The following INVS variants were observed in gnomAD, a reference collection of about 807,000 sequenced individuals.
The protein encoded by INVS is inversion of embryo turning homolog.
INVS carries 86 observed loss-of-function variants against 108.8 expected under a neutral mutation model. The ratio of observed to expected loss-of-function variants is 0.79; its 90% CI spans 0.66 to 0.95. The LOEUF is 0.95. INVS is among the 40% of genes least tolerant of loss of function. The pLI is 0.00. For synonymous variants in INVS, 455 were observed against 473.5 expected, an observed-to-expected ratio of 0.96 and a Z score of 0.51; for missense variants, 1,169 against 1,297.4, an observed-to-expected ratio of 0.90 and a Z score of 1.52.
chr9:100,274,705 A>G (rs1188217425), intron 12 of INVS, among the ~76,000 whole-genome samples: 1 of 152,138 alleles, frequency 6.6e-6, no homozygotes, highest in Admixed American at 6.5e-5. Context: ...AGGTTTTGCC[A>G]TGTTGGCCAG....
intron 4 of INVS, among the ~76,000 whole-genome samples, chr9:100,227,446 G>C (rs1176116576): frequency 6.6e-6 from 1 of 152,096 alleles, no homozygotes; most frequent in Non-Finnish European, 1.5e-5. Flanking sequence ...TATTTAAACA[G>C]TTCTTACATT....
At chr9:100,207,639 G>C (rs1229659795) in intron 3 of INVS, among the ~76,000 whole-genome samples, 1 of 152,096 alleles carries the variant, frequency 6.6e-6, no homozygotes, top group Non-Finnish European at 1.5e-5. Context: ...TATACAGTTA[G>C]ATGTATACTT....
At chr9:100,279,528 C>T (rs1833215180) in intron 12 of INVS, among the ~76,000 whole-genome samples, 2 of 152,218 alleles carry the variant, frequency 1.3e-5, no homozygotes, top group East Asian at 1.9e-4. Context: ...AATTCAATAA[C>T]GCTCTTCCTA....
Position 100,144,455 on chromosome 9 carries a change from G to A in INVS, c.273+17906G>A, listed in dbSNP as rs569751546. On this transcript the variant is annotated intron_variant, in intron 3 of 16. Coordinates refer to ENST00000262457, the MANE Select transcript of INVS (RefSeq NM_014425.5). ...CTTTTAGGGTCTAGGGCTGTAAAGCGTCTCAGGGTTGCTGCCAAACGAGCC... is the reference window on the plus strand; with the variant it reads ...CTTTTAGGGTCTAGGGCTGTAAAGCATCTCAGGGTTGCTGCCAAACGAGCC... Among the ~76,000 whole-genome samples the A allele has an allele frequency of 1.1e-4, 17 of 152,216 alleles. No homozygotes were observed. The South Asian group carries it at 2.3e-3, about 20-fold the overall frequency.
intron 3 of INVS, among the ~76,000 whole-genome samples, chr9:100,161,917 T>G (rs1279782867): frequency 1.3e-5 from 2 of 152,090 alleles, no homozygotes; most frequent in Non-Finnish European, 2.9e-5. Context: ...AAGATAATTA[T>G]CAATCCCATT....
chr9:100,252,838 T>C, intron 9 of INVS, 69 bp from the exon 10 acceptor site: 1 of 1,073,238 alleles, frequency 9.3e-7, no homozygotes, highest in Admixed American at 1.9e-5. Flanking sequence ...CAATTGTTTT[T>C]TCTACTCCTA....
At chr9:100,184,856 A>G (rs1312768841) in intron 3 of INVS, among the ~76,000 whole-genome samples, 1 of 152,204 alleles carries the variant, frequency 6.6e-6, no homozygotes, top group Non-Finnish European at 1.5e-5. Flanking sequence ...AGGAAAAAAC[A>G]GTGATTTTGA....
chr9:100,237,170 C>T (rs545349799), intron 5 of INVS, among the ~76,000 whole-genome samples: 1 of 152,226 alleles, frequency 6.6e-6, no homozygotes, highest in African/African-American at 2.4e-5. Context: ...AGGGGAAAAC[C>T]GCCTACTCAA....
Position 100,216,254 on chromosome 9 carries a change from G to A in INVS, c.274-9808G>A, listed in dbSNP as rs539600630. ...GCAGACCAAGAATCAGTAAAAATAC[G>A]GCTAGTCTTTGGGAGTATTGCCTAA... is the stretch of plus-strand genomic sequence containing the variant. On this transcript the variant is annotated intron_variant, in intron 3 of 16. Transcript: ENST00000262457. Among the ~76,000 whole-genome samples the A allele has an allele frequency of 2.4e-4, 37 of 152,252 alleles. 1 individual carries two copies. The South Asian group carries it at 3.9e-3, about 16-fold the overall frequency.
At chr9:100,194,339 T>C (rs1413188499) in intron 3 of INVS, among the ~76,000 whole-genome samples, 2 of 152,234 alleles carry the variant, frequency 1.3e-5, no homozygotes, top group Non-Finnish European at 2.9e-5. Context: ...TGACAAATGA[T>C]GCTGAGATCT....
chr9:100,146,919 C>G (rs964287533), intron 3 of INVS, among the ~76,000 whole-genome samples: 1 of 151,792 alleles, frequency 6.6e-6, no homozygotes, highest in African/African-American at 2.4e-5. Context: ...GTTTGAGTAC[C>G]TGTTTTCAAT....
At chr9:100,105,477 A>G (rs1363656994) in intron 2 of INVS, among the ~76,000 whole-genome samples, 1 of 152,032 alleles carries the variant, frequency 6.6e-6, no homozygotes, top group African/African-American at 2.4e-5. Flanking sequence ...CCTTTTTTCT[A>G]TCTGCTACTC....
chr9:100,228,581 G>T (rs899861090), intron 4 of INVS, among the ~76,000 whole-genome samples: 4 of 152,118 alleles, frequency 2.6e-5, no homozygotes. Context: ...CTTTGTTGAT[G>T]ATTATTTATA....
chr9:100,215,708 T>TTGGAGCAGCAACTCCATATGG (rs1455613268), intron 3 of INVS, among the ~76,000 whole-genome samples: 1 of 152,120 alleles, frequency 6.6e-6, no homozygotes, highest in African/African-American at 2.4e-5. Context: ...GCTAATCAGA[T>TTGGAGCAGCAACTCCATATGG]TGGAGCAGCA....
intron 5 of INVS, 132 bp downstream of exon 5, chr9:100,229,959 C>T (rs1452896750): frequency 2.5e-6 from 2 of 813,652 alleles, no homozygotes; most frequent in East Asian, 2.8e-5. Context: ...GACATATGGA[C>T]TCATCCCCCA....
At chr9:100,254,349 T>TTC (rs1287167781) in intron 10 of INVS, among the ~76,000 whole-genome samples, 3 of 152,212 alleles carry the variant, frequency 2.0e-5, no homozygotes, top group African/African-American at 7.2e-5. Flanking sequence ...TGTAAAAATT[T>TTC]TCTCCAGTTT....
chr9:100,192,205 G>A (rs1340039144), intron 3 of INVS, among the ~76,000 whole-genome samples: 1 of 151,434 alleles, frequency 6.6e-6, no homozygotes, highest in Non-Finnish European at 1.5e-5. Context: ...AGTAGGGGAG[G>A]CATGCTAACA....
At chr9:100,128,460 A>G (rs1327857853) in intron 3 of INVS, among the ~76,000 whole-genome samples, 2 of 152,188 alleles carry the variant, frequency 1.3e-5, no homozygotes, top group African/African-American at 4.8e-5. Context: ...ATTCTTTAGT[A>G]TTCTCCTGTG....
chr9:100,281,731 T>TC (rs1387688240), intron 12 of INVS, among the ~76,000 whole-genome samples: 5 of 148,978 alleles, frequency 3.4e-5, no homozygotes, highest in East Asian at 3.9e-4. Context: ...AAATGAAAAA[T>TC]CACCCCCCTG....
Sources: allele counts gnomAD v4.1 joint callset (sites outside exome capture counted in the v4.1 genomes callset), GRCh38; gene constraint gnomAD v4.1.1; transcripts MANE v1.5; gene names NCBI Gene and HGNC (gene_info 2026-07-23, HGNC 2026-07-21).